The following MYLK variants were observed in gnomAD, a reference collection of about 807,000 sequenced individuals.
MYLK encodes myosin light chain kinase, smooth muscle.
A neutral mutation model predicts 203.4 loss-of-function variants in MYLK; 106 were observed. The observed-to-expected ratio is 0.52, with a 90% CI of 0.45 to 0.61. MYLK has a LOEUF of 0.61. MYLK is among the 20% of genes least tolerant of loss of function. MYLK has a pLI of 0.00. For missense variants in MYLK, 2,072 were observed against 2,442.3 expected, an observed-to-expected ratio of 0.85 and a Z score of 3.20; for synonymous variants, 867 against 959.5, an observed-to-expected ratio of 0.90 and a Z score of 1.78.
rs2059416956 is a variant in MYLK, at chr3:123,657,257, C to T, written c.4157G>A (p.Ser1386Asn). The change falls in exon 24 of 34, where the codon AGC becomes AAC. Residue 1386 changes from serine (S) to asparagine (N), a missense_variant. Ser to Asn is a conservative substitution (Grantham distance 46). Coordinates refer to ENST00000360304, the MANE Select transcript of MYLK (RefSeq NM_053025.4). Reference sequence around the variant, plus strand: ...CAGGTCCTGGACGTTGAAAGAGGTGCTGCGGCATGTGGCTAGTTCCTTCCA... The same window carrying T: ...CAGGTCCTGGACGTTGAAAGAGGTGTTGCGGCATGTGGCTAGTTCCTTCCA... ...KTWKELATCR[S>N]TSFNVQDLLP... is the part of the protein sequence containing the mutation. 1 of 1,614,176 alleles carries T rather than the reference C, an allele frequency of 6.2e-7. No individual in the cohort carries two copies. The highest frequency in any genetic ancestry group is 8.5e-7 in the Non-Finnish European group (1 of 1,180,046).
At chr3:123,764,788 T>C (rs774463062) in intron 4 of MYLK, among the ~76,000 whole-genome samples, 45 of 152,150 alleles carry the variant, frequency 3.0e-4, no homozygotes, top group Admixed American at 1.6e-3. Flanking sequence ...CATCTTCCAG[T>C]TTTCAGCTTC....
At chr3:123,835,188 G>A (rs766535606) in intron 2 of MYLK, among the ~76,000 whole-genome samples, 3 of 152,208 alleles carry the variant, frequency 2.0e-5, no homozygotes, top group Non-Finnish European at 4.4e-5. Context: ...TCCTACCCCA[G>A]ACCTGCTGAA....
chr3:123,837,495 T>TTA (rs552341470), intron 2 of MYLK, among the ~76,000 whole-genome samples: 7 of 147,796 alleles, frequency 4.7e-5, no homozygotes, highest in Non-Finnish European at 7.4e-5. Flanking sequence ...TAATTATATA[T>TTA]TATATATATT....
chr3:123,821,625 G>A (rs1351093846), intron 3 of MYLK, among the ~76,000 whole-genome samples: 4 of 152,138 alleles, frequency 2.6e-5, no homozygotes, highest in Non-Finnish European at 5.9e-5. Flanking sequence ...GGGCTCAACT[G>A]CTGGTCCTGC....
Position 123,674,015 on chromosome 3 carries a change from C to T in MYLK, c.3653-6828G>A, listed in dbSNP as rs1440413564. On this transcript the variant is annotated intron_variant, in intron 20 of 33. Coordinates refer to ENST00000360304, the MANE Select transcript of MYLK (RefSeq NM_053025.4). ...TGCCCTTTGAGCTCCTCTTTCTATC[C>T]CCTATTCTCTTTCCTCCATTTCCCC... 2.6e-5 allele frequency among the ~76,000 whole-genome samples: 4 copies of T among 152,056 alleles called. No homozygotes were observed. In the East Asian group the frequency reaches 7.7e-4, roughly 29 times the overall value.
At chr3:123,850,954 T>C (rs1384425756) in intron 2 of MYLK, among the ~76,000 whole-genome samples, 7 of 152,264 alleles carry the variant, frequency 4.6e-5, no homozygotes, top group Non-Finnish European at 1.0e-4. Flanking sequence ...GTTTCAGCTT[T>C]CTACATACGG....
intron 8 of MYLK, among the ~76,000 whole-genome samples, chr3:123,736,436 C>A (rs73860154): frequency 0.031 from 4,743 of 152,232 alleles, 225 homozygotes; most frequent in African/African-American, 0.11. Context: ...CCCTTCCTGA[C>A]CCCCGAGTTC....
intron 18 of MYLK, among the ~76,000 whole-genome samples, chr3:123,694,689 C>T (rs564620378): frequency 1.3e-5 from 2 of 152,238 alleles, no homozygotes; most frequent in Non-Finnish European, 2.9e-5. Flanking sequence ...AAAGACAGTA[C>T]ACAGAGAGTA....
intron 19 of MYLK, chr3:123,692,099 G>A (rs1317385303): frequency 6.1e-6 from 1 of 164,598 alleles, no homozygotes; most frequent in Admixed American, 5.6e-5. Context: ...TTAGGACAAA[G>A]CCCAGTTCCT....
chr3:123,816,273 C>T (rs527578501), intron 3 of MYLK, among the ~76,000 whole-genome samples: 2 of 152,226 alleles, frequency 1.3e-5, no homozygotes, highest in Non-Finnish European at 2.9e-5. Context: ...GCCTGGCTTC[C>T]AGCCCCAGCT....
chr3:123,874,697 G>A (rs1279816013), intron 2 of MYLK, among the ~76,000 whole-genome samples: 1 of 152,106 alleles, frequency 6.6e-6, no homozygotes, highest in African/African-American at 2.4e-5. Flanking sequence ...AGAATGAGAA[G>A]ACAAGCTACA....
At chr3:123,644,021 C>G (rs1313875430) in intron 27 of MYLK, among the ~76,000 whole-genome samples, 1 of 152,192 alleles carries the variant, frequency 6.6e-6, no homozygotes, top group Non-Finnish European at 1.5e-5. Flanking sequence ...CTGTGTCAGA[C>G]CAACTACTAT....
intron 19 of MYLK, among the ~76,000 whole-genome samples, chr3:123,688,877 A>T (rs562591312): frequency 1.3e-5 from 2 of 152,188 alleles, no homozygotes; most frequent in South Asian, 4.1e-4. Context: ...CTCCCCCATT[A>T]CCCTGCTTTG....
chr3:123,766,084 T>C (rs913799913), intron 4 of MYLK, among the ~76,000 whole-genome samples: 2 of 152,258 alleles, frequency 1.3e-5, no homozygotes, highest in South Asian at 4.1e-4. Flanking sequence ...ATTTCATGTG[T>C]ATTTACCACA....
intron 4 of MYLK, among the ~76,000 whole-genome samples, chr3:123,759,604 C>T (rs2063470366): frequency 6.6e-6 from 1 of 152,148 alleles, no homozygotes. Flanking sequence ...GGTGGGGATG[C>T]CAATTGGTAA....
At chr3:123,762,803 C>G (rs1003067789) in intron 4 of MYLK, among the ~76,000 whole-genome samples, 7 of 152,280 alleles carry the variant, frequency 4.6e-5, no homozygotes, top group Admixed American at 3.9e-4. Context: ...ACAAGGTGCT[C>G]TCTTGGAAAC....
intron 4 of MYLK, among the ~76,000 whole-genome samples, chr3:123,761,425 G>A (rs2063530011): frequency 6.6e-6 from 1 of 152,176 alleles, no homozygotes; most frequent in African/African-American, 2.4e-5. Flanking sequence ...TCTCCCAGGT[G>A]GCGGCTCTGA....
intron 11 of MYLK, among the ~76,000 whole-genome samples, chr3:123,732,140 G>T (rs1051751157): frequency 6.6e-6 from 1 of 152,046 alleles, no homozygotes; most frequent in Non-Finnish European, 1.5e-5. Flanking sequence ...ATGGGCCTGG[G>T]GCTTACATAT....
intron 2 of MYLK, among the ~76,000 whole-genome samples, chr3:123,869,188 TC>T (rs777661888): frequency 1.3e-5 from 2 of 151,852 alleles, no homozygotes; most frequent in African/African-American, 2.4e-5. Context: ...TGCAAAAGGG[TC>T]TTGAACCTTG....
Sources: allele counts gnomAD v4.1 joint callset (sites outside exome capture counted in the v4.1 genomes callset), GRCh38; gene constraint gnomAD v4.1.1; transcripts MANE v1.5; gene names NCBI Gene and HGNC (gene_info 2026-07-23, HGNC 2026-07-21).